Variants in CAND2 observed in about 807,000 individuals in gnomAD.
CAND2 encodes the protein cullin associated and neddylation dissociated 2 (putative), also known as cullin-associated NEDD8-dissociated protein 2.
Under a neutral mutation model 98.9 loss-of-function variants are expected in CAND2, and 62 were observed. The ratio of observed to expected loss-of-function variants is 0.63; its 90% CI spans 0.51 to 0.77. The LOEUF (loss-of-function observed/expected upper bound fraction) is 0.77. Ranked by LOEUF, CAND2 falls within the 30% of genes least tolerant of loss-of-function variation. The pLI is 0.00. For missense variants in CAND2, 1,501 were observed against 1,655.2 expected (o/e 0.91, Z 1.62); for synonymous variants, 770 against 731.9 (o/e 1.05, Z -0.84).
chr3:12,827,377 A>G, intron 12 of CAND2, 63 bp from the exon 13 acceptor site: 1 of 1,479,658 alleles, frequency 6.8e-7, no homozygotes, highest in South Asian at 1.2e-5. Flanking sequence ...GGTTTGTAGC[A>G]GAAGCTAGAA....
At position 12,816,648 on chromosome 3, in the gene CAND2, T is replaced by A. The variant is rs775374995; in HGVS notation, c.1716T>A (p.Ala572=). Reference sequence around the variant, plus strand: ...AGCCATATGTTGGAGAGATGTCTGCTGTCACCCTGGCGCGACTTCGTGCCA... The same window carrying A: ...AGCCATATGTTGGAGAGATGTCTGCAGTCACCCTGGCGCGACTTCGTGCCA... ...DPEPYVGEMS[A]VTLARLRATD... Residue 572 remains alanine, a synonymous_variant, in exon 10 of 15, where the codon GCT becomes GCA. Coordinates refer to ENST00000456430, the MANE Select transcript of CAND2 (RefSeq NM_001162499.2). 6.2e-7 allele frequency: 1 copy of A among 1,613,870 alleles called. No individual in the cohort carries two copies. The highest frequency in any genetic ancestry group is 2.2e-5 in the East Asian group (1 of 44,886).
At chr3:12,809,286 GA>G (rs2061831057) in intron 4 of CAND2, among the ~76,000 whole-genome samples, 1 of 152,048 alleles carries the variant, frequency 6.6e-6, no homozygotes, top group South Asian at 2.1e-4. Context: ...AGGCTCCTGG[GA>G]GGCACTCACT....
At chr3:12,803,388 CTT>C (rs2061781034) in intron 1 of CAND2, 98 bp from the exon 2 acceptor site, 1 of 1,163,452 alleles carries the variant, frequency 8.6e-7, no homozygotes, top group Non-Finnish European at 1.2e-6. Context: ...GACCTCGAAT[CTT>C]TGTATTAAGG....
chr3:12,817,841 TC>T lies in CAND2; in HGVS notation c.2911del (p.Leu971PhefsTer39). The T allele has an allele frequency of 6.6e-7, 1 of 1,513,464 alleles. No individual in the cohort carries two copies. Among genetic ancestry groups the T allele is most frequent in the Non-Finnish European group, 8.8e-7 (1 of 1,131,128 alleles). The allele number at this position is 1,513,464 out of a possible 1,614,324, so 93.8% of individuals were successfully genotyped here. A position where few individuals can be genotyped will look rare whatever the true frequency, so the allele number is the denominator to read the frequency against. ...AAGCTGGTCCTTGTGAACCCTTCGT[TC>T]CTTCTGCCCCGCTTGCGGAAGCAGC... ...IGKLVLVNPSFLLPRLRKQLA... is the reference protein window; with the variant it reads ...IGKLVLVNPSXLLPRLRKQLA... On this transcript the variant is annotated frameshift_variant, in exon 10 of 15. Transcript: ENST00000456430. LOFTEE classifies it high-confidence loss of function.
chr3:12,801,269 C>T (rs1304099377), intron 1 of CAND2, among the ~76,000 whole-genome samples: 1 of 152,202 alleles, frequency 6.6e-6, no homozygotes, highest in East Asian at 1.9e-4. Context: ...AACTTTTGAC[C>T]TCAGGTGATC....
rs1407883495 is a variant in CAND2 at position 12,826,830 on chromosome 3, CT to C, written c.3211-592del. Among the ~76,000 whole-genome samples, 576 of 131,758 alleles carry C rather than the reference CT, an allele frequency of 4.4e-3. 2 individuals are homozygous for C. The highest frequency in any genetic ancestry group is 0.018 in the South Asian group (73 of 4,148). The allele number at this position is 131,758 out of a possible 152,430, so 86.4% of individuals were successfully genotyped here. A position where few individuals can be genotyped will look rare whatever the true frequency, so the allele number is the denominator to read the frequency against. On this transcript the variant is annotated intron_variant, in intron 12 of 14. Coordinates refer to ENST00000456430, the MANE Select transcript of CAND2 (RefSeq NM_001162499.2). ...CATTAAATGGGATCAGTAACATTTA[CT>C]TTTTTTTTTTTTTTTTTGAGATGGA...
At chr3:12,816,124 G>T (rs1657696051) in intron 9 of CAND2, 116 bp downstream of exon 9, 1 of 1,132,312 alleles carries the variant, frequency 8.8e-7, no homozygotes, top group Non-Finnish European at 1.3e-6. Context: ...CCCAGGCTCA[G>T]TCCCTGGTCA....
chr3:12,815,105 GA>G lies in CAND2; in HGVS notation c.1007-35del. 6.3e-7 allele frequency: 1 copy of G among 1,576,476 alleles called. No homozygotes were observed. The highest frequency in any genetic ancestry group is 8.6e-7 in the Non-Finnish European group (1 of 1,156,854). On this transcript the variant is annotated intron_variant, in intron 7 of 14. Transcript: ENST00000456430. The surrounding 1 kb of genome is among the most constrained non-coding windows in gnomAD (Gnocchi z 5.7). Reference sequence around the variant, plus strand: ...CCCGAGCCACAGACCTGTCCTGGGAGATGAGGGTTCCACGTGTGTCTTGTTC... The same window carrying G: ...CCCGAGCCACAGACCTGTCCTGGGAGTGAGGGTTCCACGTGTGTCTTGTTC...
Position 12,817,786 on chromosome 3 carries a change from A to C in CAND2, c.2854A>C (p.Thr952Pro). 4 of 1,533,552 alleles carry C rather than the reference A, an allele frequency of 2.6e-6. No individual in the cohort carries two copies. The highest frequency in any genetic ancestry group is 3.5e-6 in the Non-Finnish European group (4 of 1,141,566). The allele number at this position is 1,533,552 out of a possible 1,614,324, so 95.0% of individuals were successfully genotyped here. ...FQRCEGAEEGTRGVVAECIGK... is the reference protein window; with the variant it reads ...FQRCEGAEEGPRGVVAECIGK... ...GCGCTGCGAGGGTGCTGAGGAGGGC[A>C]CCCGGGGGGTGGTGGCCGAGTGCAT... Residue 952 changes from threonine (T) to proline (P), a missense_variant, in exon 10 of 15, where the codon ACC becomes CCC. This residue lies in a region of CAND2 where 1,427 missense variants were observed against 1,545.3 expected (regional missense o/e 0.92). Transcript: ENST00000456430.
chr3:12,817,320 G>A lies in CAND2; in HGVS notation c.2388G>A (p.Leu796=), dbSNP rs1489544046. ...YEQAVDGGPG[L]HKQVFHSLAR... ...AGGCTGTGGATGGTGGGCCTGGCCT[G>A]CACAAGCAGGTGTTCCACTCATTGG... The change falls in exon 10 of 15, where the codon CTG becomes CTA. Residue 796 remains leucine, a synonymous_variant. Coordinates refer to ENST00000456430, the MANE Select transcript of CAND2 (RefSeq NM_001162499.2). 1 of 1,613,786 alleles carries A rather than the reference G, an allele frequency of 6.2e-7. No homozygotes were observed. Among genetic ancestry groups the A allele is most frequent in the East Asian group, 2.2e-5 (1 of 44,894 alleles).
intron 10 of CAND2, among the ~76,000 whole-genome samples, chr3:12,819,466 C>G (rs1356380258): frequency 1.3e-5 from 2 of 152,220 alleles, no homozygotes; most frequent in Non-Finnish European, 2.9e-5. Flanking sequence ...TGTACTTCCC[C>G]TCTTTACTGG....
At chr3:12,805,279 T>A (rs1400729679) in intron 2 of CAND2, among the ~76,000 whole-genome samples, 1 of 141,832 alleles carries the variant, frequency 7.1e-6, no homozygotes, top group Non-Finnish European at 1.5e-5. Flanking sequence ...AAGATTTTCT[T>A]TTTTTTTTCT....
chr3:12,822,768 G>A (rs541960271), intron 11 of CAND2, among the ~76,000 whole-genome samples: 61 of 152,316 alleles, frequency 4.0e-4, no homozygotes, highest in African/African-American at 8.2e-4. Context: ...AGATGTGCCT[G>A]TTGCTGTTGG....
intron 1 of CAND2, among the ~76,000 whole-genome samples, chr3:12,803,284 G>A (rs1002788238): frequency 2.0e-5 from 3 of 152,054 alleles, no homozygotes; most frequent in Admixed American, 1.3e-4. Flanking sequence ...GAGCCATTGC[G>A]CCCGGCCAGC....
At chr3:12,827,300 A>G in intron 12 of CAND2, 140 bp from the exon 13 acceptor site, 1 of 665,620 alleles carries the variant, frequency 1.5e-6, no homozygotes, top group East Asian at 2.7e-5. Flanking sequence ...GGCTGAGCAA[A>G]GGCATGGAGA....
chr3:12,831,295 T>C (rs1420542577), intron 13 of CAND2, among the ~76,000 whole-genome samples, 170 bp from the exon 14 acceptor site: 1 of 152,004 alleles, frequency 6.6e-6, no homozygotes, highest in African/African-American at 2.4e-5. Flanking sequence ...AAAGAAAGTG[T>C]CACCATTTGA....
Position 12,817,761 on chromosome 3 carries a change from G to A in CAND2, c.2829G>A (p.Gln943=). The change falls in exon 10 of 15, where the codon CAG becomes CAA. Residue 943 remains glutamine, a synonymous_variant. Transcript: ENST00000456430. Reference sequence around the variant, plus strand: ...AGGACATCTGGGCCTTGCTGTTCCAGCGCTGCGAGGGTGCTGAGGAGGGCA... The same window carrying A: ...AGGACATCTGGGCCTTGCTGTTCCAACGCTGCGAGGGTGCTGAGGAGGGCA... ...YAEDIWALLF[Q]RCEGAEEGTR... is the part of the protein sequence containing the mutation. The A allele has an allele frequency of 6.4e-7, 1 of 1,563,156 alleles. No individual in the cohort carries two copies. Among genetic ancestry groups the A allele is most frequent in the Non-Finnish European group, 8.7e-7 (1 of 1,155,686 alleles).
chr3:12,797,088 C>G (rs1200312592), intron 1 of CAND2, among the ~76,000 whole-genome samples: 1 of 151,816 alleles, frequency 6.6e-6, no homozygotes, highest in Admixed American at 6.6e-5. Flanking sequence ...CCGGCTCCAC[C>G]CCTCTGCACC....
intron 12 of CAND2, among the ~76,000 whole-genome samples, chr3:12,827,051 T>C (rs957259539): frequency 6.6e-6 from 1 of 152,022 alleles, no homozygotes; most frequent in African/African-American, 2.4e-5. Flanking sequence ...CAGGATGGCC[T>C]CAATCTCCTG....
Sources: allele counts gnomAD v4.1 joint callset (sites outside exome capture counted in the v4.1 genomes callset), GRCh38; gene constraint gnomAD v4.1.1; regional missense constraint gnomAD v4.1.1; non-coding constraint Gnocchi (gnomAD v3.1); transcripts MANE v1.5; gene names NCBI Gene and HGNC (gene_info 2026-07-23, HGNC 2026-07-21).